The following TSEN2 variants were observed in gnomAD, a reference collection of about 807,000 sequenced individuals.
TSEN2 encodes tRNA splicing endonuclease subunit 2, also known as tRNA-splicing endonuclease subunit Sen2.
Under a neutral mutation model 59.2 loss-of-function variants are expected in TSEN2, and 54 were observed. The observed-to-expected ratio is 0.91, with a 90% CI of 0.73 to 1.14. TSEN2 has a LOEUF of 1.14. Among genes scored for constraint, TSEN2 ranks in the 50% most tolerant of loss-of-function variants. The pLI is 0.00. For synonymous variants in TSEN2, 195 were observed against 198.2 expected (o/e 0.98, Z 0.14); for missense variants, 636 against 576.2 (o/e 1.10, Z -1.06).
intron 2 of TSEN2, 135 bp downstream of exon 2, chr3:12,490,124 T>G: frequency 1.1e-6 from 1 of 921,272 alleles, no homozygotes; most frequent in South Asian, 1.3e-5. Flanking sequence ...TTGGTCCAGT[T>G]GTAGGAAAAG....
At chr3:12,514,606 A>G (rs1361464363) in intron 6 of TSEN2, 2 of 152,202 alleles carry the variant, frequency 1.3e-5, no homozygotes, top group Non-Finnish European at 2.9e-5. Context: ...GATTTGGGTA[A>G]AACTAAAGTA....
intron 7 of TSEN2, among the ~76,000 whole-genome samples, chr3:12,517,091 T>G (rs552722648): frequency 6.6e-5 from 10 of 152,046 alleles, no homozygotes; most frequent in Non-Finnish European, 1.5e-4. Flanking sequence ...CTCACGCCTG[T>G]AATCCCAGCA....
At chr3:12,535,840 A>T (rs561086910), downstream of TSEN2, among the ~76,000 whole-genome samples, 1 of 152,330 alleles carries the variant, frequency 6.6e-6, no homozygotes, top group South Asian at 2.1e-4. Context: ...CTGGTAAAGT[A>T]GAATCAGAAA....
At chr3:12,534,598 C>G (rs982507470), downstream of TSEN2, among the ~76,000 whole-genome samples, 3 of 151,908 alleles carry the variant, frequency 2.0e-5, no homozygotes, top group Non-Finnish European at 4.4e-5. Flanking sequence ...GTCAGGAGAT[C>G]AAGACCATCC....
At chr3:12,536,259 G>A (rs1367422211), downstream of TSEN2, among the ~76,000 whole-genome samples, 2 of 152,170 alleles carry the variant, frequency 1.3e-5, no homozygotes, top group Non-Finnish European at 2.9e-5. Flanking sequence ...GTGGGGTTTT[G>A]TTTTGTTTTG....
chr3:12,517,714 G>T (rs1331026428), intron 7 of TSEN2, among the ~76,000 whole-genome samples: 1 of 152,118 alleles, frequency 6.6e-6, no homozygotes, highest in Admixed American at 6.6e-5. Flanking sequence ...CTGACAAATG[G>T]CTCATTTTCC....
At chr3:12,500,026 C>T (rs1016803273) in intron 4 of TSEN2, among the ~76,000 whole-genome samples, 2 of 152,164 alleles carry the variant, frequency 1.3e-5, no homozygotes, top group Non-Finnish European at 2.9e-5. Context: ...CATGAGAAGC[C>T]TTGGCGTGTT....
At chr3:12,496,662 G>GT in intron 4 of TSEN2, 108 bp downstream of exon 4, 1 of 1,103,262 alleles carries the variant, frequency 9.1e-7, no homozygotes, top group Non-Finnish European at 1.4e-6. Context: ...TTTTCTTTCT[G>GT]TTTTTGGTAG....
At chr3:12,528,422 TA>T (rs566840258) in intron 8 of TSEN2, among the ~76,000 whole-genome samples, 285 of 152,308 alleles carry the variant, frequency 1.9e-3, no homozygotes, top group African/African-American at 6.4e-3. Context: ...GTTTGGATTT[TA>T]AAAATAGATG....
downstream of TSEN2, among the ~76,000 whole-genome samples, chr3:12,537,253 G>T (rs139525695): frequency 5.9e-5 from 9 of 151,974 alleles, no homozygotes; most frequent in East Asian, 1.7e-3. Flanking sequence ...TAAAAAATTA[G>T]CTGGGTGTGG....
chr3:12,529,856 T>TC lies in TSEN2; in HGVS notation c.1233dup (p.Val412ArgfsTer2). On this transcript the variant is annotated frameshift_variant, in exon 10 of 12. Coordinates refer to ENST00000284995, the MANE Select transcript of TSEN2 (RefSeq NM_025265.4). LOFTEE classifies it high-confidence loss of function. ...GTCCCTGGCTGCCTTGAGCAGAGTTTCCGTTAATGTCTCTAAGGTAACACA... is the reference window on the plus strand; with the variant it reads ...GTCCCTGGCTGCCTTGAGCAGAGTTTCCCGTTAATGTCTCTAAGGTAACACA... 1.9e-6 allele frequency: 3 copies of TC among 1,614,146 alleles called. No homozygotes were observed. Among genetic ancestry groups the TC allele is most frequent in the Non-Finnish European group, 2.5e-6 (3 of 1,180,020 alleles).
At chr3:12,498,058 C>T (rs545547801) in intron 4 of TSEN2, among the ~76,000 whole-genome samples, 1 of 151,474 alleles carries the variant, frequency 6.6e-6, no homozygotes, top group South Asian at 2.1e-4. Flanking sequence ...GTGTCTTTGT[C>T]CAAATTTTCC....
downstream of TSEN2, among the ~76,000 whole-genome samples, chr3:12,537,677 C>G (rs1306510309): frequency 1.3e-5 from 2 of 152,144 alleles, no homozygotes; most frequent in African/African-American, 2.4e-5. Flanking sequence ...GGGTTAAGGG[C>G]ACAGCTTTCA....
chr3:12,498,250 G>A (rs1420144254), intron 4 of TSEN2, among the ~76,000 whole-genome samples: 3 of 152,114 alleles, frequency 2.0e-5, no homozygotes, highest in Non-Finnish European at 4.4e-5. Context: ...ACTGGGGTGC[G>A]TAATCTGGGA....
chr3:12,507,232 T>C (rs1181440543), intron 6 of TSEN2, among the ~76,000 whole-genome samples: 2 of 152,048 alleles, frequency 1.3e-5, no homozygotes, highest in Non-Finnish European at 2.9e-5. Context: ...CAAAATTCCT[T>C]TTCTCGGTTG....
At chr3:12,505,012 GT>G in intron 5 of TSEN2, 141 bp from the exon 6 acceptor site, 2 of 671,402 alleles carry the variant, frequency 3.0e-6, no homozygotes, top group South Asian at 3.4e-5. Context: ...AAAAAATTGT[GT>G]TTTAATCATT....
chr3:12,496,945 C>G (rs1219430822), intron 4 of TSEN2, among the ~76,000 whole-genome samples: 1 of 152,146 alleles, frequency 6.6e-6, no homozygotes, highest in Non-Finnish European at 1.5e-5. Context: ...CACAGAGGCC[C>G]TTCCTCATTT....
chr3:12,493,055 C>T (rs1039944634), intron 3 of TSEN2, among the ~76,000 whole-genome samples: 1 of 152,150 alleles, frequency 6.6e-6, no homozygotes, highest in South Asian at 2.1e-4. Context: ...GTGTCTGTTG[C>T]TTTCACTTAG....
upstream of TSEN2, among the ~76,000 whole-genome samples, chr3:12,480,524 C>CTTTGGTTTTTTTTT (rs2052179033): frequency 9.2e-6 from 1 of 108,644 alleles, no homozygotes; most frequent in African/African-American, 4.0e-5. Flanking sequence ...TGTTTTGTTT[C>CTTTGGTTTTTTTTT]TTTGTTTTTT....
Sources: allele counts gnomAD v4.1 joint callset (sites outside exome capture counted in the v4.1 genomes callset), GRCh38; gene constraint gnomAD v4.1.1; transcripts MANE v1.5; gene names NCBI Gene and HGNC (gene_info 2026-07-23, HGNC 2026-07-21).